The following FGF14 variants were observed in gnomAD, a reference collection of about 807,000 sequenced individuals.
FGF14 encodes fibroblast growth factor homologous factor 4.
A neutral mutation model predicts 25.5 loss-of-function variants in FGF14; 5 were observed. That is an observed-to-expected ratio of 0.20 (90% CI 0.10 to 0.41). FGF14 has a LOEUF of 0.41. Among genes scored for constraint, FGF14 ranks in the 10% least tolerant of loss-of-function variants. The pLI is 1.00. For synonymous variants in FGF14, 138 were observed against 118.3 expected, an observed-to-expected ratio of 1.17 and a Z score of -1.08; for missense variants, 222 against 320.1, an observed-to-expected ratio of 0.69 and a Z score of 2.34.
At chr13:101,929,801 A>G (rs1051547197) in intron 1 of FGF14, among the ~76,000 whole-genome samples, 2 of 152,238 alleles carry the variant, frequency 1.3e-5, no homozygotes, top group Non-Finnish European at 2.9e-5. Flanking sequence ...AACAGTGTTT[A>G]TCAGTAGGTG....
rs1221675464 is a variant in FGF14, at chr13:101,717,127, A to G, written c.*5704T>C. 6.6e-6 allele frequency: 1 copy of G among 152,122 alleles called. No homozygotes were observed. The highest frequency in any genetic ancestry group is 6.6e-5 in the Admixed American group (1 of 15,266). 9.4% of individuals were successfully genotyped at this position (152,122 alleles called of 1,614,324 possible). On this transcript the variant is annotated 3_prime_UTR_variant, in exon 5 of 5. Coordinates refer to ENST00000376143, the MANE Select transcript of FGF14 (RefSeq NM_004115.4). ...ATTTTTACTTGGAAATTTTATTTTA[A>G]TGATGTAAATATTCTAGTCATGGCT...
intron 1 of FGF14, chr13:102,016,905 T>C (rs1287268434): frequency 6.6e-6 from 1 of 152,280 alleles, no homozygotes; most frequent in Non-Finnish European, 1.5e-5. Flanking sequence ...CCTCCCCCAG[T>C]AGCATAGGAT....
At chr13:101,820,524 A>C (rs902948200) in intron 3 of FGF14, among the ~76,000 whole-genome samples, 1 of 152,182 alleles carries the variant, frequency 6.6e-6, no homozygotes, top group Non-Finnish European at 1.5e-5. Context: ...TTAAGAAGGA[A>C]AGTTAATTTG....
chr13:102,368,147 C>A (rs1253011573), intron 1 of FGF14: 1 of 152,158 alleles, frequency 6.6e-6, no homozygotes, highest in Non-Finnish European at 1.5e-5. Flanking sequence ...CTTTATATTA[C>A]TAGGCCACTG....
chr13:102,401,788 T>C, upstream of FGF14: 1 of 928,652 alleles, frequency 1.1e-6, no homozygotes, highest in Non-Finnish European at 1.7e-6. Context: ...GAATGATTTA[T>C]CCCCCCTCGA....
At chr13:101,756,662 G>T (rs1190921248) in intron 3 of FGF14, among the ~76,000 whole-genome samples, 2 of 152,188 alleles carry the variant, frequency 1.3e-5, no homozygotes, top group Non-Finnish European at 2.9e-5. Context: ...GAATCCAGGA[G>T]GCGGAGGTTG....
chr13:101,943,870 C>T (rs1184189191), intron 1 of FGF14, among the ~76,000 whole-genome samples: 3 of 145,450 alleles, frequency 2.1e-5, no homozygotes, highest in African/African-American at 5.3e-5. Flanking sequence ...GGTGTGGTGG[C>T]GCATGCCTGT....
At chr13:102,239,725 TG>T (rs923072540) in intron 1 of FGF14, among the ~76,000 whole-genome samples, 2 of 152,220 alleles carry the variant, frequency 1.3e-5, no homozygotes, top group African/African-American at 4.8e-5. Context: ...ACAGTTTTCC[TG>T]GGTTTTATGA....
At chr13:102,135,665 T>C (rs2046381482) in intron 1 of FGF14, among the ~76,000 whole-genome samples, 1 of 152,174 alleles carries the variant, frequency 6.6e-6, no homozygotes, top group Admixed American at 6.5e-5. Flanking sequence ...TGAAATATTG[T>C]TTGTTTTTGG....
Position 102,159,093 on chromosome 13 carries a change from T to A in FGF14, c.208+242378A>T, listed in dbSNP as rs190681573. On this transcript the variant is annotated intron_variant, in intron 1 of 4. Transcript: ENST00000376131. ...GGATGGAGGTTGCAGAGAGCCAAGATCATGCCATTGCACTCCAGCATGGGT... is the reference window on the plus strand; with the variant it reads ...GGATGGAGGTTGCAGAGAGCCAAGAACATGCCATTGCACTCCAGCATGGGT... 8.8e-5 allele frequency among the ~76,000 whole-genome samples: 12 copies of A among 137,122 alleles called. No homozygotes were observed. The East Asian group carries it at 2.4e-3, about 28-fold the overall frequency. 90.0% of individuals were successfully genotyped at this position (137,122 alleles called of 152,430 possible). A position where few individuals can be genotyped will look rare whatever the true frequency, so the allele number is the denominator to read the frequency against.
intron 1 of FGF14, among the ~76,000 whole-genome samples, chr13:102,332,594 AT>A (rs60479910): frequency 6.6e-6 from 1 of 151,282 alleles, no homozygotes; most frequent in African/African-American, 2.4e-5. Flanking sequence ...CTTTACCAAC[AT>A]TTTTTTTTAT....
At chr13:102,378,637 A>C (rs909724106) in intron 1 of FGF14, among the ~76,000 whole-genome samples, 70 of 150,914 alleles carry the variant, frequency 4.6e-4, no homozygotes, top group East Asian at 2.9e-3. Flanking sequence ...CTATCTATAT[A>C]TATATATATC....
chr13:102,287,362 C>T (rs2152693), intron 1 of FGF14, among the ~76,000 whole-genome samples: 18,302 of 152,180 alleles, frequency 0.12, 1,447 homozygotes, highest in East Asian at 0.38. Flanking sequence ...TAGTTTATGA[C>T]ATTATTTGGA....
At chr13:101,933,758 T>C (rs1357170345) in intron 1 of FGF14, among the ~76,000 whole-genome samples, 5 of 152,100 alleles carry the variant, frequency 3.3e-5, no homozygotes, top group Non-Finnish European at 7.4e-5. Flanking sequence ...AAAACATATA[T>C]AATGTATTGG....
At chr13:102,041,010 C>A (rs368716631) in intron 1 of FGF14, among the ~76,000 whole-genome samples, 1 of 151,914 alleles carries the variant, frequency 6.6e-6, no homozygotes, top group South Asian at 2.1e-4. Flanking sequence ...CCCTACCATA[C>A]CCAGCAGGTG....
At chr13:102,340,327 C>G (rs2138896628) in intron 1 of FGF14, among the ~76,000 whole-genome samples, 1 of 152,236 alleles carries the variant, frequency 6.6e-6, no homozygotes, top group East Asian at 1.9e-4. Context: ...ATTTTTATTT[C>G]AGAGAAACTA....
intron 1 of FGF14, among the ~76,000 whole-genome samples, chr13:101,909,141 G>C (rs1481471273): frequency 1.3e-5 from 2 of 152,164 alleles, no homozygotes; most frequent in Non-Finnish European, 2.9e-5. Flanking sequence ...AAAAACCCTA[G>C]AAGTAAACCT....
intron 1 of FGF14, among the ~76,000 whole-genome samples, chr13:102,328,187 C>T (rs534277865): frequency 6.6e-6 from 1 of 152,252 alleles, no homozygotes; most frequent in East Asian, 1.9e-4. Flanking sequence ...CATAAACAAA[C>T]ATTTGCAACT....
At chr13:102,108,067 T>C (rs1465531293) in intron 1 of FGF14, among the ~76,000 whole-genome samples, 1 of 152,190 alleles carries the variant, frequency 6.6e-6, no homozygotes, top group Non-Finnish European at 1.5e-5. Context: ...TAAATTGAAT[T>C]ATATTTAATA....
Sources: gnomAD v4.1 joint callset for allele counts (sites outside exome capture counted in the v4.1 genomes callset) on GRCh38, gnomAD v4.1.1 for gene constraint, MANE v1.5 for transcripts, NCBI Gene and HGNC (gene_info 2026-07-23, HGNC 2026-07-21) for gene names.